Variants in OPHN1 observed in about 807,000 individuals in gnomAD.
OPHN1 encodes oligophrenin 1.
OPHN1 carries 11 observed loss-of-function variants against 60.7 expected under a neutral mutation model. That is an observed-to-expected ratio of 0.18 (90% CI 0.11 to 0.30). The LOEUF (loss-of-function observed/expected upper bound fraction) is 0.30, where lower values mean the gene tolerates loss of function less well. OPHN1 is among the 10% of genes least tolerant of loss of function. The probability of loss-of-function intolerance (pLI) is 1.00; values close to 1 mark genes in which losing one functional copy is unlikely to be tolerated. For missense variants in OPHN1, 449 were observed against 611.0 expected (o/e 0.73, Z 2.80); for synonymous variants, 226 against 222.6 (o/e 1.02, Z -0.14).
intron 10 of OPHN1, among the ~76,000 whole-genome samples, chrX:68,206,185 C>A (rs1179605284): frequency 9.0e-6 from 1 of 110,886 alleles, no homozygotes; most frequent in Non-Finnish European, 1.9e-5. Flanking sequence ...CAACTGTGGG[C>A]CATAAACACA....
chrX:68,168,327 C>A (rs1303155347), intron 15 of OPHN1, among the ~76,000 whole-genome samples: 1 of 111,600 alleles, frequency 9.0e-6, no homozygotes, highest in Non-Finnish European at 1.9e-5. Context: ...TGCAATCAAA[C>A]TAGAACTCAG....
rs200908266 is a variant in OPHN1, at chrX:68,268,314, T to C, written c.384+6424A>G. 1.3e-4 allele frequency among the ~76,000 whole-genome samples: 14 copies of C among 111,814 alleles called. No homozygotes were observed. The East Asian group carries it at 3.9e-3, about 31-fold the overall frequency. ...AAAGAGAATTTTAGACCAATATCCC[T>C]GATGAACGTAAATGCAAAAATCCTC... On this transcript the variant is annotated intron_variant, in intron 5 of 24. Transcript: ENST00000355520.
intron 5 of OPHN1, among the ~76,000 whole-genome samples, chrX:68,254,485 A>G (rs949396285): frequency 2.7e-5 from 3 of 111,127 alleles, no homozygotes; most frequent in African/African-American, 9.8e-5. Context: ...TTCAATAGCC[A>G]TCCTCTTTCT....
At chrX:68,187,300 G>C (rs1286698121) in intron 15 of OPHN1, among the ~76,000 whole-genome samples, 2 of 111,479 alleles carry the variant, frequency 1.8e-5, no homozygotes, top group African/African-American at 3.3e-5. Context: ...TCACTAATCA[G>C]ATGACCTTGA....
intron 15 of OPHN1, among the ~76,000 whole-genome samples, chrX:68,130,115 T>C (rs1210794598): frequency 8.9e-6 from 1 of 112,110 alleles, no homozygotes; most frequent in African/African-American, 3.2e-5. Flanking sequence ...ATAACAAATG[T>C]TATAATCTGT....
intron 4 of OPHN1, among the ~76,000 whole-genome samples, chrX:68,282,200 CTG>C (rs1333464870): frequency 9.0e-6 from 1 of 111,616 alleles, no homozygotes; most frequent in African/African-American, 3.3e-5. Context: ...AGTGGACAAA[CTG>C]TGGTAAATCA....
At chrX:68,432,008 T>TG (rs764745732) in intron 2 of OPHN1, among the ~76,000 whole-genome samples, 1 of 110,644 alleles carries the variant, frequency 9.0e-6, no homozygotes, top group African/African-American at 3.3e-5. Flanking sequence ...GCACTCTCGT[T>TG]GGGGATGTTT....
At chrX:68,074,723 C>T (rs758316795) in intron 19 of OPHN1, among the ~76,000 whole-genome samples, 2 of 111,364 alleles carry the variant, frequency 1.8e-5, no homozygotes, top group African/African-American at 6.5e-5. Flanking sequence ...CTATCACTTT[C>T]TAACATATAA....
At chrX:68,292,874 G>T (rs2078076869) in intron 3 of OPHN1, among the ~76,000 whole-genome samples, 1 of 112,084 alleles carries the variant, frequency 8.9e-6, no homozygotes, top group Non-Finnish European at 1.9e-5. Flanking sequence ...AGCAGAAGGT[G>T]CATTGGGCTA....
intron 16 of OPHN1, among the ~76,000 whole-genome samples, chrX:68,116,378 A>G (rs2077127334): frequency 8.9e-6 from 1 of 111,950 alleles, no homozygotes; most frequent in South Asian, 3.8e-4. Context: ...TGCCAGAGTC[A>G]GATTGGAAAG....
chrX:68,257,519 T>A (rs2147559450), intron 5 of OPHN1, among the ~76,000 whole-genome samples: 1 of 111,316 alleles, frequency 9.0e-6, no homozygotes, highest in Non-Finnish European at 1.9e-5. Flanking sequence ...GGATAAAATC[T>A]TCACAGGGTA....
intron 15 of OPHN1, among the ~76,000 whole-genome samples, chrX:68,162,587 C>T (rs1742403721): frequency 1.8e-5 from 2 of 109,963 alleles, no homozygotes; most frequent in African/African-American, 6.6e-5. Context: ...GAAGAATTGT[C>T]TCTCTATGGA....
intron 19 of OPHN1, among the ~76,000 whole-genome samples, chrX:68,094,304 T>C (rs765997372): frequency 8.1e-5 from 9 of 111,629 alleles, no homozygotes; most frequent in Non-Finnish European, 1.7e-4. Context: ...CCTCTGCCAA[T>C]TGTACACTGT....
At chrX:68,153,657 T>G (rs1678473283) in intron 15 of OPHN1, among the ~76,000 whole-genome samples, 1 of 111,621 alleles carries the variant, frequency 9.0e-6, no homozygotes, top group South Asian at 3.8e-4. Context: ...TGTGACCCCT[T>G]GTTGAAGGGA....
intron 2 of OPHN1, among the ~76,000 whole-genome samples, chrX:68,415,594 C>G (rs2078790028): frequency 8.9e-6 from 1 of 111,750 alleles, no homozygotes; most frequent in Non-Finnish European, 1.9e-5. Flanking sequence ...CCAACTGTGT[C>G]AAAGAGAGAA....
At chrX:68,341,968 G>GTTT (rs1173542561) in intron 2 of OPHN1, among the ~76,000 whole-genome samples, 17 of 84,965 alleles carry the variant, frequency 2.0e-4, no homozygotes, top group Non-Finnish European at 3.2e-4. Flanking sequence ...AATTTTTGGT[G>GTTT]TTTTTTTTTT....
At chrX:68,423,137 T>C (rs774986307) in intron 2 of OPHN1, among the ~76,000 whole-genome samples, 164 of 110,994 alleles carry the variant, frequency 1.5e-3, no homozygotes, top group African/African-American at 5.2e-3. Context: ...TCCATTCTCC[T>C]GCCTCAGCCT....
chrX:68,426,049 C>T (rs1489441472), intron 2 of OPHN1, among the ~76,000 whole-genome samples: 1 of 111,046 alleles, frequency 9.0e-6, no homozygotes, highest in African/African-American at 3.3e-5. Flanking sequence ...ACAAGCTGGT[C>T]TCAAACTCCT....
intron 6 of OPHN1, among the ~76,000 whole-genome samples, chrX:68,224,296 G>A (rs2077678702): frequency 9.0e-6 from 1 of 111,514 alleles, no homozygotes; most frequent in African/African-American, 3.3e-5. Flanking sequence ...ATTTTTAAAA[G>A]CTGAAAATGC....
Sources: allele counts gnomAD v4.1 joint callset (sites outside exome capture counted in the v4.1 genomes callset), GRCh38; gene constraint gnomAD v4.1.1; transcripts MANE v1.5; gene names NCBI Gene and HGNC (gene_info 2026-07-23, HGNC 2026-07-21).